Variants in LUZP2 observed in about 807,000 individuals in gnomAD.
LUZP2 encodes the protein leucine zipper protein 2.
LUZP2 carries 52 observed loss-of-function variants against 51.6 expected under a neutral mutation model. That is an observed-to-expected ratio of 1.01 (90% CI 0.81 to 1.27). LUZP2 has a LOEUF of 1.27. LUZP2 is among the 50% of genes most tolerant of loss of function. LUZP2 has a pLI of 0.00. For missense variants in LUZP2, 436 were observed against 395.4 expected (o/e 1.10, Z -0.87); for synonymous variants, 154 against 137.3 (o/e 1.12, Z -0.85).
intron 9 of LUZP2, among the ~76,000 whole-genome samples, chr11:24,986,517 A>C (rs1458650386): frequency 6.9e-6 from 1 of 144,906 alleles, no homozygotes; most frequent in Non-Finnish European, 1.5e-5. Flanking sequence ...TAACCCACAG[A>C]GCTAGTGAAT....
Position 25,081,395 on chromosome 11 carries a change from T to TAG in LUZP2, c.*2737_*2738insAG, listed in dbSNP as rs1859456036. On this transcript the variant is annotated 3_prime_UTR_variant, in exon 12 of 12. Coordinates refer to ENST00000336930, the MANE Select transcript of LUZP2 (RefSeq NM_001009909.4). ...TATACATCCAGCAAAGTTTACTGTG[T>TAG]TATACTCATTGCATCATTTGTTTAA... 6 of 152,016 alleles carry TAG rather than the reference T, an allele frequency of 3.9e-5. No individual in the cohort carries two copies. The highest frequency in any genetic ancestry group is 7.4e-5 in the Non-Finnish European group (5 of 67,956). The allele number at this position is 152,016 out of a possible 1,614,324, so 9.4% of individuals were successfully genotyped here.
At chr11:24,733,898 G>A (rs185878060) in intron 3 of LUZP2, among the ~76,000 whole-genome samples, 4 of 151,682 alleles carry the variant, frequency 2.6e-5, no homozygotes, top group African/African-American at 7.3e-5. Flanking sequence ...CACCCAGTGA[G>A]AGACTGAGGA....
intron 9 of LUZP2, among the ~76,000 whole-genome samples, chr11:25,044,205 A>ATG (rs1858207340): frequency 7.8e-6 from 1 of 127,952 alleles, no homozygotes; most frequent in South Asian, 2.5e-4. Flanking sequence ...GCATATATGT[A>ATG]TGTGTATATA....
rs145591104 is a variant in LUZP2 at position 24,876,688 on chromosome 11, C to T, written c.397-29303C>T. Among the ~76,000 whole-genome samples, 1,039 of 151,710 alleles carry T rather than the reference C, an allele frequency of 6.8e-3. 15 individuals carry two copies. Among genetic ancestry groups the T allele is most frequent in the East Asian group, 0.057 (294 of 5,162 alleles). On this transcript the variant is annotated intron_variant, in intron 5 of 11. Transcript: ENST00000336930. ...CATTGAGTCTATAAATTACCTTGGG[C>T]AGTATGGCCATTTTCATGATATTGA...
At chr11:24,691,969 G>A (rs10160446) in intron 1 of LUZP2, among the ~76,000 whole-genome samples, 139,678 of 152,068 alleles carry the variant, frequency 0.92, 64,489 homozygotes, top group Non-Finnish European at 0.96. Flanking sequence ...CACTAATTAT[G>A]CAATTATTTT....
Position 25,079,735 on chromosome 11 carries a change from G to A in LUZP2, c.*1077G>A, listed in dbSNP as rs1859415996. ...TAATAGGTTTCATAGGGCATTCAAA[G>A]TTGCAGACTCAGTTAATGACTACAG... On this transcript the variant is annotated 3_prime_UTR_variant, in exon 12 of 12. Transcript: ENST00000336930. 2 of 152,132 alleles carry A rather than the reference G, an allele frequency of 1.3e-5. No individual in the cohort carries two copies. The highest frequency in any genetic ancestry group is 4.8e-5 in the African/African-American group (2 of 41,442). The allele number at this position is 152,132 out of a possible 1,614,324, so 9.4% of individuals were successfully genotyped here. A position where few individuals can be genotyped will look rare whatever the true frequency, so the allele number is the denominator to read the frequency against.
intron 1 of LUZP2, among the ~76,000 whole-genome samples, chr11:24,717,417 T>TC (rs1309412812): frequency 6.6e-6 from 1 of 151,178 alleles, no homozygotes; most frequent in Non-Finnish European, 1.5e-5. Context: ...TAGTTTTTTT[T>TC]TTTTTTTTTG....
At position 24,714,744 on chromosome 11, in the gene LUZP2, G is replaced by C. The variant is rs112447077; in HGVS notation, c.63-14425G>C. On this transcript the variant is annotated intron_variant, in intron 1 of 11. Transcript: ENST00000336930. ...AATGATTCAATTATTCAAACATTAA[G>C]AGAAAAACATGCAACCTAAGGGACA... is the stretch of plus-strand genomic sequence containing the variant. 3.8e-3 allele frequency among the ~76,000 whole-genome samples: 578 copies of C among 152,202 alleles called. 4 individuals carry two copies. Among genetic ancestry groups the C allele is most frequent in the African/African-American group, 0.013 (557 of 41,520 alleles).
chr11:24,848,475 G>C (rs4923214), intron 5 of LUZP2, among the ~76,000 whole-genome samples: 125,050 of 152,208 alleles, frequency 0.82, 51,565 homozygotes, highest in South Asian at 0.89. Flanking sequence ...CTCCTGCCTT[G>C]TTGCCCCTAT....
chr11:24,762,885 G>A lies in LUZP2; in HGVS notation c.334-361G>A, dbSNP rs193055181. 2.0e-4 allele frequency: 117 copies of A among 571,520 alleles called. No homozygotes were observed. In the East Asian group the frequency reaches 0.016, roughly 76 times the overall value. The allele number at this position is 571,520 out of a possible 1,614,324, so 35.4% of individuals were successfully genotyped here. ...GGTCATAATTACCTGGAGTGTTTTA[G>A]AAATAGAGATTCCTAGGTTCAACTC... On this transcript the variant is annotated intron_variant, in intron 4 of 11. Transcript: ENST00000336930.
chr11:24,601,988 G>GTATATA (rs1565019900), intron 1 of LUZP2, among the ~76,000 whole-genome samples: 9 of 65,708 alleles, frequency 1.4e-4, no homozygotes, highest in African/African-American at 6.7e-4. Context: ...GTATATATAT[G>GTATATA]TGTATATATG....
intron 1 of LUZP2, among the ~76,000 whole-genome samples, chr11:24,566,075 C>T (rs573108975): frequency 3.3e-5 from 5 of 151,542 alleles, no homozygotes; most frequent in Non-Finnish European, 7.4e-5. Flanking sequence ...AAGGCATGTA[C>T]ATATAGAAAA....
At chr11:24,887,592 T>C (rs1565057571) in intron 5 of LUZP2, among the ~76,000 whole-genome samples, 1 of 152,170 alleles carries the variant, frequency 6.6e-6, no homozygotes, top group Non-Finnish European at 1.5e-5. Flanking sequence ...GGGTGTTGTA[T>C]ACACTGGAAA....
intron 5 of LUZP2, among the ~76,000 whole-genome samples, chr11:24,895,984 C>A: frequency 6.6e-6 from 1 of 152,256 alleles, no homozygotes; most frequent in East Asian, 1.9e-4. Context: ...CTTTTCTCCA[C>A]ACCCTTATCA....
intron 1 of LUZP2, among the ~76,000 whole-genome samples, chr11:24,525,623 A>G (rs1308112090): frequency 6.6e-6 from 1 of 150,922 alleles, no homozygotes; most frequent in Admixed American, 6.6e-5. Context: ...AGATAATAAC[A>G]ATAGATTTTT....
intron 1 of LUZP2, among the ~76,000 whole-genome samples, chr11:24,700,030 G>T (rs1857377177): frequency 6.8e-6 from 1 of 146,280 alleles, no homozygotes; most frequent in South Asian, 2.2e-4. Context: ...CTCTTTTTCA[G>T]ATTACTCTAT....
At chr11:24,527,645 T>C (rs1334811889) in intron 1 of LUZP2, among the ~76,000 whole-genome samples, 2 of 150,680 alleles carry the variant, frequency 1.3e-5, no homozygotes, top group Admixed American at 6.6e-5. Context: ...TTCTTTCAGT[T>C]TCTTTATTCT....
rs1554966093 is a variant in LUZP2, at chr11:24,633,964, G to GTATATATATA, written c.63-95197_63-95196insTATATATATA. ...CGTGTGTGTGTGTGTGTGTGTGTGT[G>GTATATATATA]TATATATAGTCTGTCTATTAAAGGA... is the stretch of plus-strand genomic sequence containing the variant. On this transcript the variant is annotated intron_variant, in intron 1 of 11. Transcript: ENST00000336930. Among the ~76,000 whole-genome samples, 92 of 149,244 alleles carry GTATATATATA rather than the reference G, an allele frequency of 6.2e-4. No homozygotes were observed. In the East Asian group the frequency reaches 7.8e-3, roughly 13 times the overall value.
intron 1 of LUZP2, among the ~76,000 whole-genome samples, chr11:24,661,084 A>T (rs1856005515): frequency 6.6e-6 from 1 of 152,296 alleles, no homozygotes. Context: ...TAGAGATAAC[A>T]TTGACTTTAG....
Sources: allele counts gnomAD v4.1 joint callset (sites outside exome capture counted in the v4.1 genomes callset), GRCh38; gene constraint gnomAD v4.1.1; transcripts MANE v1.5; gene names NCBI Gene and HGNC (gene_info 2026-07-23, HGNC 2026-07-21).